TAF1: variants seen among roughly 807,000 people sequenced by gnomAD.
The protein encoded by TAF1 is TATA-box binding protein associated factor 1, also known as transcription initiation factor TFIID subunit 1.
Under a neutral mutation model 138.5 loss-of-function variants are expected in TAF1, and 2 were observed. That is an observed-to-expected ratio of 0.01 (90% confidence interval 0.01 to 0.05). TAF1 has a LOEUF of 0.05. Among genes scored for constraint, TAF1 ranks in the 10% least tolerant of loss-of-function variants. The pLI is 1.00. For synonymous variants in TAF1, 437 were observed against 503.2 expected (o/e 0.87, Z 1.76); for missense variants, 709 against 1,478.0 (o/e 0.48, Z 8.53).
intron 32 of TAF1, among the ~76,000 whole-genome samples, chrX:71,451,299 ACAT>A (rs1345896428): frequency 8.9e-6 from 1 of 111,772 alleles, no homozygotes; most frequent in Non-Finnish European, 1.9e-5. Flanking sequence ...TTAAGGAGAC[ACAT>A]CAGCCAGATA....
In TAF1 at chrX:71,374,144, C is replaced by T. The variant is rs139747144; in HGVS notation, c.353-1023C>T. 6.4e-5 allele frequency among the ~76,000 whole-genome samples: 7 copies of T among 109,274 alleles called. No homozygotes were observed. The East Asian group carries it at 8.6e-4, about 13-fold the overall frequency. 94.9% of individuals were successfully genotyped at this position (109,274 alleles called of 115,157 possible). A position where few individuals can be genotyped will look rare whatever the true frequency, so the allele number is the denominator to read the frequency against. On this transcript the variant is annotated intron_variant, in intron 3 of 37. Transcript: ENST00000423759. ...TGTCGCCCAGGCTGGAGTGCAGTGG[C>T]GCAATCTCGGCTTACTGCAACCTTC... is the stretch of plus-strand genomic sequence containing the variant.
intron 32 of TAF1, among the ~76,000 whole-genome samples, chrX:71,439,412 T>C (rs1358562984): frequency 8.9e-6 from 1 of 111,814 alleles, no homozygotes; most frequent in Non-Finnish European, 1.9e-5. Context: ...TTTATCTCCT[T>C]CTAACCTATC....
intron 28 of TAF1, among the ~76,000 whole-genome samples, chrX:71,412,853 C>T (rs752974446): frequency 8.9e-6 from 1 of 111,885 alleles, no homozygotes; most frequent in South Asian, 3.7e-4. Context: ...CCCAAAGTTC[C>T]GCGATTACAG....
At chrX:71,443,020 G>T (rs1227671737) in intron 32 of TAF1, among the ~76,000 whole-genome samples, 1 of 111,324 alleles carries the variant, frequency 9.0e-6, no homozygotes, top group Non-Finnish European at 1.9e-5. Context: ...CCATTGGTCT[G>T]TATCTGTTTT....
chrX:71,372,286 G>A (rs752143597), intron 3 of TAF1, among the ~76,000 whole-genome samples: 1 of 109,203 alleles, frequency 9.2e-6, no homozygotes, highest in South Asian at 4.0e-4. Flanking sequence ...GCAGAAATTA[G>A]CTGGGTGTGT....
chrX:71,476,196 C>A (rs2147499581), intron 13 of TAF1, among the ~76,000 whole-genome samples: 1 of 111,771 alleles, frequency 8.9e-6, no homozygotes, highest in East Asian at 2.8e-4. Flanking sequence ...TCTATGAATT[C>A]CAAGGCAGTT....
intron 13 of TAF1, among the ~76,000 whole-genome samples, chrX:71,490,239 A>C (rs1336726122): frequency 8.9e-6 from 1 of 112,308 alleles, no homozygotes; most frequent in Non-Finnish European, 1.9e-5. Flanking sequence ...CAACAAACTA[A>C]CATGCTGGCT....
At chrX:71,502,966 C>CA (rs944205314) in intron 13 of TAF1, among the ~76,000 whole-genome samples, 5 of 107,808 alleles carry the variant, frequency 4.6e-5, no homozygotes, top group African/African-American at 1.7e-4. Context: ...AAAACAAAAA[C>CA]AAAAAACAAA....
chrX:71,377,487 C>T, intron 5 of TAF1, 116 bp from the exon 6 acceptor site: 1 of 920,342 alleles, frequency 1.1e-6, no homozygotes, highest in Non-Finnish European at 1.5e-6. Context: ...ATGCGACACT[C>T]CTTTGTTTCT....
downstream of TAF1, among the ~76,000 whole-genome samples, chrX:71,468,554 C>T (rs1329386759): frequency 9.3e-6 from 1 of 108,039 alleles, no homozygotes; most frequent in Non-Finnish European, 1.9e-5. Context: ...GGCGTGGTGG[C>T]AGGCGCCTGT....
chrX:71,367,251 G>A (rs949229284), intron 1 of TAF1, among the ~76,000 whole-genome samples: 6 of 108,577 alleles, frequency 5.5e-5, no homozygotes, highest in Admixed American at 3.8e-4. Flanking sequence ...TATTTGATTC[G>A]TCTTCTCTTG....
chrX:71,416,524 C>G (rs2036024669), intron 28 of TAF1: 1 of 213,061 alleles, frequency 4.7e-6, no homozygotes, highest in African/African-American at 3.3e-5. Context: ...AGCACAGGTT[C>G]CACAGCTAAA....
intron 3 of TAF1, among the ~76,000 whole-genome samples, chrX:71,369,455 AAACTTG>A (rs2032851459): frequency 8.9e-6 from 1 of 112,102 alleles, no homozygotes; most frequent in Non-Finnish European, 1.9e-5. Context: ...TAGAAAAGGA[AAACTTG>A]AACTTTAGAG....
rs763417621 is a variant in TAF1 at position 71,464,470 on chromosome X, C to T, written c.*424C>T. ...CTGTAATCTCAGCACTCTGGGAGGCCGAGGCGGGCAGATCACCTGAGGTCA... is the reference window on the plus strand; with the variant it reads ...CTGTAATCTCAGCACTCTGGGAGGCTGAGGCGGGCAGATCACCTGAGGTCA... On this transcript the variant is annotated 3_prime_UTR_variant, in exon 38 of 38. Transcript: ENST00000423759. The T allele has an allele frequency of 5.2e-4, 157 of 299,551 alleles. No homozygotes were observed. Among genetic ancestry groups the T allele is most frequent in the Non-Finnish European group, 8.2e-4 (141 of 172,836 alleles). The allele number at this position is 299,551 out of a possible 1,213,427, so 24.7% of individuals were successfully genotyped here.
At chrX:71,508,086 C>CTCTCTCTCTCTCTCTCTATATA (rs4040068) in intron 13 of TAF1, among the ~76,000 whole-genome samples, 5 of 92,181 alleles carry the variant, frequency 5.4e-5, no homozygotes, top group Non-Finnish European at 8.4e-5. Flanking sequence ...CTCTCTCTCT[C>CTCTCTCTCTCTCTCTCTATATA]TATATATATA....
intron 13 of TAF1, chrX:71,493,023 C>CT (rs755348406): frequency 0.039 from 4,046 of 103,633 alleles, 134 homozygotes; most frequent in African/African-American, 0.1. Context: ...TTCATTTTAA[C>CT]TTTTTTTTTT....
chrX:71,435,434 C>G (rs1232614402), intron 32 of TAF1, among the ~76,000 whole-genome samples: 3 of 111,945 alleles, frequency 2.7e-5, no homozygotes, highest in African/African-American at 9.7e-5. Context: ...GGAGCACCCT[C>G]TTCTCCAGTT....
chrX:71,450,455 G>A (rs774200875), intron 32 of TAF1, among the ~76,000 whole-genome samples: 50 of 111,575 alleles, frequency 4.5e-4, no homozygotes, highest in Non-Finnish European at 8.5e-4. Context: ...TCCCCACCTC[G>A]GCCTCCCAAA....
intron 28 of TAF1, among the ~76,000 whole-genome samples, chrX:71,418,593 A>G (rs939024437): frequency 1.2e-4 from 14 of 112,166 alleles, no homozygotes; most frequent in African/African-American, 1.9e-4. Flanking sequence ...GAGGAATACA[A>G]TCTAGCAAAG....
Sources: gnomAD v4.1 joint callset for allele counts (sites outside exome capture counted in the v4.1 genomes callset) on GRCh38, gnomAD v4.1.1 for gene constraint, MANE v1.5 for transcripts, NCBI Gene and HGNC (gene_info 2026-07-23, HGNC 2026-07-21) for gene names.